The following POU2F2 variants were observed in gnomAD, a reference collection of about 807,000 sequenced individuals.
The protein encoded by POU2F2 is POU class 2 homeobox 2, also known as POU domain, class 2, transcription factor 2.
Under a neutral mutation model 63.5 loss-of-function variants are expected in POU2F2, and 14 were observed. That is an observed-to-expected ratio of 0.22 (90% CI 0.15 to 0.34). POU2F2 has a LOEUF of 0.34. POU2F2 is among the 10% of genes least tolerant of loss of function. POU2F2 has a pLI of 1.00. For synonymous variants in POU2F2, 306 were observed against 348.6 expected (o/e 0.88, Z 1.36); for missense variants, 607 against 815.2 (o/e 0.74, Z 3.11).
chr19:42,159,545 C>T (rs1336053617), intron 2 of POU2F2, among the ~76,000 whole-genome samples: 1 of 152,132 alleles, frequency 6.6e-6, no homozygotes, highest in Non-Finnish European at 1.5e-5. Context: ...CCCTGTCCAC[C>T]CTCCTCCCTA....
intron 4 of POU2F2, among the ~76,000 whole-genome samples, chr19:42,121,698 C>A (rs909116956): frequency 6.6e-6 from 1 of 152,216 alleles, no homozygotes; most frequent in Non-Finnish European, 1.5e-5. Context: ...GGAATTTGCA[C>A]TGCCTGGCTG....
In POU2F2 at chr19:42,188,905, GAGGAAGGAAGGAAGGA is replaced by G. The variant is rs201081622; in HGVS notation, c.-70+7462_-70+7477del. ...GAGGAAGGAAGGGAGGAAGAGAAGA[GAGGAAGGAAGGAAGGA>G]AGGAAGGAAGGAAGGAAGGAAGGAA... On this transcript the variant is annotated intron_variant, in intron 1 of 5. Coordinates refer to the POU2F2 transcript ENST00000532176. Among the ~76,000 whole-genome samples the G allele has an allele frequency of 5.7e-3, 494 of 86,242 alleles. 3 individuals carry two copies. Among genetic ancestry groups the G allele is most frequent in the African/African-American group, 0.017 (455 of 27,228 alleles). 56.6% of individuals were successfully genotyped at this position (86,242 alleles called of 152,430 possible).
Position 42,117,480 on chromosome 19 carries a change from G to A in POU2F2, c.187-48C>T, listed in dbSNP as rs776412515. 28 of 775,532 alleles carry A rather than the reference G, an allele frequency of 3.6e-5. No homozygotes were observed. Among genetic ancestry groups the A allele is most frequent in the Non-Finnish European group, 5.5e-5 (26 of 470,654 alleles). The allele number at this position is 775,532 out of a possible 1,614,324, so 48.0% of individuals were successfully genotyped here. A position where few individuals can be genotyped will look rare whatever the true frequency, so the allele number is the denominator to read the frequency against. On this transcript the variant is annotated intron_variant, in intron 4 of 14. Coordinates refer to ENST00000692977, the MANE Select transcript of POU2F2 (RefSeq NM_001394376.1). The surrounding 1 kb of genome is among the most constrained non-coding windows in gnomAD (Gnocchi z 4.4). ...GTGTGTGGCAATGGCAATCAGGCTGGCACAGGAGGAGCAGACTGGGGTGTG... is the reference window on the plus strand; with the variant it reads ...GTGTGTGGCAATGGCAATCAGGCTGACACAGGAGGAGCAGACTGGGGTGTG...
At position 42,095,223 on chromosome 19, in the gene POU2F2, GGC is replaced by G; in HGVS notation, c.1197+61_1197+62del. On this transcript the variant is annotated intron_variant, in intron 11 of 14. Coordinates refer to ENST00000692977, the MANE Select transcript of POU2F2 (RefSeq NM_001394376.1). This position sits in a 1 kb window ranked among gnomAD's most constrained non-coding sequence, Gnocchi z 7.1. ...GCTCTGTGGACAACCAGGTAGGGTGGGCTTCACACAGGTGCCTGCGGAGCTCT... is the reference window on the plus strand; with the variant it reads ...GCTCTGTGGACAACCAGGTAGGGTGGTTCACACAGGTGCCTGCGGAGCTCT... The G allele has an allele frequency of 6.5e-7, 1 of 1,531,072 alleles. No individual in the cohort carries two copies. The highest frequency in any genetic ancestry group is 8.8e-7 in the Non-Finnish European group (1 of 1,137,692). The allele number at this position is 1,531,072 out of a possible 1,614,324, so 94.8% of individuals were successfully genotyped here. A position where few individuals can be genotyped will look rare whatever the true frequency, so the allele number is the denominator to read the frequency against.
chr19:42,149,466 AAGAC>A (rs1402036660), intron 2 of POU2F2, among the ~76,000 whole-genome samples: 4 of 152,128 alleles, frequency 2.6e-5, no homozygotes, highest in South Asian at 4.1e-4. Context: ...AGGGTAGAAA[AAGAC>A]AGAGTGAAAA....
intron 14 of POU2F2, 31 bp from the exon 15 acceptor site, chr19:42,091,622 G>T (rs1212243155): frequency 6.5e-7 from 1 of 1,540,988 alleles, no homozygotes; most frequent in South Asian, 1.2e-5. Context: ...CTGGGCTAAG[G>T]GCATGCCGGG....
intron 2 of POU2F2, among the ~76,000 whole-genome samples, chr19:42,154,311 C>T (rs180834961): frequency 1.3e-5 from 2 of 150,944 alleles, no homozygotes; most frequent in African/African-American, 4.9e-5. Context: ...CAGAGGCACA[C>T]GCAGAGAGAT....
At chr19:42,179,884 C>G (rs560104187), upstream of POU2F2, among the ~76,000 whole-genome samples, 2 of 151,926 alleles carry the variant, frequency 1.3e-5, no homozygotes, top group Non-Finnish European at 2.9e-5. Flanking sequence ...GCACTGTGTG[C>G]GCAACACAAA....
At chr19:42,116,885 C>A (rs368244459) in intron 5 of POU2F2, 2 of 466,560 alleles carry the variant, frequency 4.3e-6, no homozygotes, top group South Asian at 1.6e-5. Flanking sequence ...GAGGCGGCGG[C>A]GGCGGCGGCA....
chr19:42,187,081 C>T (rs2035020088), intron 1 of POU2F2, among the ~76,000 whole-genome samples: 2 of 152,078 alleles, frequency 1.3e-5, no homozygotes, highest in South Asian at 4.1e-4. Flanking sequence ...TAGCTGAAAT[C>T]ACGAGTCGAT....
chr19:42,137,875 G>A (rs1341704023), intron 2 of POU2F2, among the ~76,000 whole-genome samples: 2 of 152,186 alleles, frequency 1.3e-5, no homozygotes, highest in Non-Finnish European at 2.9e-5. Context: ...CAGAGGAGGC[G>A]ATGGCCCCAT....
chr19:42,166,318 G>GT (rs770666279), intron 1 of POU2F2, among the ~76,000 whole-genome samples: 66 of 147,704 alleles, frequency 4.5e-4, no homozygotes, highest in Admixed American at 6.8e-4. Flanking sequence ...TATGCTCAGA[G>GT]TTTTTTTTTT....
upstream of POU2F2, among the ~76,000 whole-genome samples, chr19:42,197,893 T>G (rs1328661657): frequency 6.6e-6 from 1 of 151,770 alleles, no homozygotes. Flanking sequence ...ATCCTGGGAG[T>G]GGCCGGGTGC....
chr19:42,159,923 C>T (rs1290028843), intron 2 of POU2F2, among the ~76,000 whole-genome samples: 2 of 152,186 alleles, frequency 1.3e-5, no homozygotes, highest in African/African-American at 2.4e-5. Context: ...CAGGATGGCA[C>T]TTAAGGTGGG....
intron 2 of POU2F2, among the ~76,000 whole-genome samples, chr19:42,157,859 G>GA (rs1599686230): frequency 6.6e-6 from 1 of 152,136 alleles, no homozygotes. Context: ...GGAAGGGCCA[G>GA]AAGGGAGAGG....
At chr19:42,157,194 C>A (rs2034472912) in intron 2 of POU2F2, 2 of 152,264 alleles carry the variant, frequency 1.3e-5, no homozygotes, top group Non-Finnish European at 2.9e-5. Flanking sequence ...TGAGTAGGAG[C>A]CCAGTCAGTC....
intron 2 of POU2F2, among the ~76,000 whole-genome samples, chr19:42,154,540 G>A (rs1005605802): frequency 6.6e-6 from 1 of 151,950 alleles, no homozygotes; most frequent in Non-Finnish European, 1.5e-5. Flanking sequence ...GAGAGAAGAC[G>A]CAGATAAAGA....
intron 5 of POU2F2, among the ~76,000 whole-genome samples, chr19:42,104,621 G>A (rs912938710): frequency 6.6e-6 from 1 of 152,070 alleles, no homozygotes; most frequent in Non-Finnish European, 1.5e-5. Context: ...AGAACAGAGG[G>A]TATGAGGTGG....
intron 5 of POU2F2, among the ~76,000 whole-genome samples, chr19:42,114,342 G>A (rs1235698479): frequency 6.6e-6 from 1 of 152,150 alleles, no homozygotes; most frequent in Non-Finnish European, 1.5e-5. Context: ...ACGGCTGGGG[G>A]GAGGGAAGTC....
Sources: allele counts gnomAD v4.1 joint callset (sites outside exome capture counted in the v4.1 genomes callset), GRCh38; gene constraint gnomAD v4.1.1; non-coding constraint Gnocchi (gnomAD v3.1); transcripts MANE v1.5; gene names NCBI Gene and HGNC (gene_info 2026-07-23, HGNC 2026-07-21).